The following RIN3 variants were observed in gnomAD, a reference collection of about 807,000 sequenced individuals.
The protein encoded by RIN3 is RAB5 interacting protein 3.
Under a neutral mutation model 76.3 loss-of-function variants are expected in RIN3, and 54 were observed. The observed-to-expected ratio is 0.71, with a 90% CI of 0.57 to 0.89. RIN3 has a LOEUF of 0.89. RIN3 is among the 40% of genes least tolerant of loss of function. RIN3 has a pLI of 0.00. For synonymous variants in RIN3, 576 were observed against 564.0 expected (o/e 1.02, Z -0.30); for missense variants, 1,256 against 1,322.1 (o/e 0.95, Z 0.78).
rs1479925792 is a variant in RIN3, at chr14:92,568,880, C to T, written c.250-8480C>T. On this transcript the variant is annotated intron_variant, in intron 2 of 9. Transcript: ENST00000216487. This position sits in a 1 kb window ranked among gnomAD's most constrained non-coding sequence, Gnocchi z 4.2. Reference sequence around the variant, plus strand: ...AACCTTGGGGACTTTCCAGCCCTGTCGACAAGCTGTGTAGATAACACAGCC... The same window carrying T: ...AACCTTGGGGACTTTCCAGCCCTGTTGACAAGCTGTGTAGATAACACAGCC... Among the ~76,000 whole-genome samples, 1 of 152,204 alleles carries T rather than the reference C, an allele frequency of 6.6e-6. No homozygotes were observed. The highest frequency in any genetic ancestry group is 1.5e-5 in the Non-Finnish European group (1 of 68,040).
chr14:92,680,488 C>T (rs1172591736), intron 8 of RIN3, among the ~76,000 whole-genome samples: 1 of 152,162 alleles, frequency 6.6e-6, no homozygotes, highest in Non-Finnish European at 1.5e-5. Context: ...GTGTGAGCCA[C>T]CATGTCCAGC....
intron 2 of RIN3, among the ~76,000 whole-genome samples, chr14:92,561,891 G>A (rs999285811): frequency 6.6e-6 from 1 of 152,084 alleles, no homozygotes; most frequent in Non-Finnish European, 1.5e-5. Context: ...TCCCTATGTT[G>A]CCCAGGCTGG....
intron 1 of RIN3, among the ~76,000 whole-genome samples, chr14:92,527,028 G>A (rs1012472194): frequency 6.7e-6 from 1 of 148,388 alleles, no homozygotes; most frequent in Non-Finnish European, 1.5e-5. Flanking sequence ...CTCTGTGTCT[G>A]TCTGTGTTTC....
rs148154180 is a variant in RIN3, at chr14:92,652,972, G to A, written c.1923G>A (p.Leu641=). 3.1e-6 allele frequency: 5 copies of A among 1,613,492 alleles called. No homozygotes were observed. The highest frequency in any genetic ancestry group is 2.7e-5 in the African/African-American group (2 of 74,916). The part of the protein sequence containing the change: ...MARQTSSTEM[L]QEIRTMMTQL... ...GCCAGACCTCCAGCACGGAGATGCT[G>A]CAGGAGATTCGCACCATGATGACCC... is the stretch of plus-strand genomic sequence containing the variant. Residue 641 remains leucine, a synonymous_variant, in exon 6 of 10, where the codon CTG becomes CTA. Coordinates refer to ENST00000216487, the MANE Select transcript of RIN3 (RefSeq NM_024832.5). This position sits in a 1 kb window ranked among gnomAD's most constrained non-coding sequence, Gnocchi z 6.4.
intron 3 of RIN3, among the ~76,000 whole-genome samples, chr14:92,611,942 G>A (rs1380576781): frequency 6.6e-6 from 1 of 152,188 alleles, no homozygotes; most frequent in Admixed American, 6.5e-5. Context: ...AGGAAAGGGG[G>A]AACAAGGTGT....
intron 4 of RIN3, among the ~76,000 whole-genome samples, chr14:92,640,014 CTG>C (rs144045986): frequency 0.011 from 1,557 of 135,846 alleles, no homozygotes; most frequent in African/African-American, 0.028. Flanking sequence ...AGATGCCTGA[CTG>C]TGTGTTCGTC....
intron 3 of RIN3, among the ~76,000 whole-genome samples, chr14:92,580,695 G>A (rs373059615): frequency 3.3e-5 from 5 of 152,264 alleles, no homozygotes; most frequent in African/African-American, 4.8e-5. Context: ...CACCTTCAGC[G>A]TGCAGCCTCC....
intron 1 of RIN3, among the ~76,000 whole-genome samples, chr14:92,516,699 G>C (rs189552570): frequency 5.9e-5 from 9 of 152,168 alleles, no homozygotes; most frequent in African/African-American, 2.2e-4. Flanking sequence ...GGTCCCCTTG[G>C]GTTGAAGGAG....
chr14:92,552,496 A>G (rs1383001952), intron 1 of RIN3, among the ~76,000 whole-genome samples: 2 of 152,056 alleles, frequency 1.3e-5, no homozygotes, highest in Admixed American at 6.5e-5. Context: ...TTTAGGGCCA[A>G]TGCTCCCTGT....
In RIN3 at chr14:92,655,911, G is replaced by A. The variant is rs77440243; in HGVS notation, c.2026+2836G>A. Among the ~76,000 whole-genome samples, 1,127 of 152,314 alleles carry A rather than the reference G, an allele frequency of 7.4e-3. 22 individuals are homozygous for A. The highest frequency in any genetic ancestry group is 0.026 in the African/African-American group (1,070 of 41,546). ...ACTGGAGATGCTTATTAGATACCAG[G>A]TGGGGAGGTCGAGCGGGCCATGGAG... On this transcript the variant is annotated intron_variant, in intron 6 of 9. Transcript: ENST00000216487.
At chr14:92,669,492 G>A (rs1888216154) in intron 7 of RIN3, among the ~76,000 whole-genome samples, 2 of 152,162 alleles carry the variant, frequency 1.3e-5, no homozygotes, top group Admixed American at 1.3e-4. Flanking sequence ...AAGACTTCTG[G>A]GAGGAAAAAA....
chr14:92,684,957 G>A (rs1184063979), intron 8 of RIN3, 30 bp from the exon 9 acceptor site: 4 of 1,592,672 alleles, frequency 2.5e-6, no homozygotes, highest in Non-Finnish European at 3.4e-6. Flanking sequence ...AGGCGGTCCT[G>A]GCTCAGATTC....
At chr14:92,647,922 G>C (rs1055776618) in intron 5 of RIN3, among the ~76,000 whole-genome samples, 9 of 152,232 alleles carry the variant, frequency 5.9e-5, no homozygotes, top group Admixed American at 3.9e-4. Flanking sequence ...GGCAAGGATG[G>C]GCCCTTCTTT....
chr14:92,520,924 C>T, intron 1 of RIN3, among the ~76,000 whole-genome samples: 1 of 149,576 alleles, frequency 6.7e-6, no homozygotes, highest in African/African-American at 2.6e-5. Context: ...AAGGACTTAT[C>T]TCTCTACCGA....
chr14:92,555,841 T>A lies in RIN3; in HGVS notation c.135T>A (p.Pro45=), dbSNP rs1897560977. The part of the protein sequence containing the change: ...CLPANPKNCL[P]HRRGISILEK... ...CAGCCAACCCGAAAAACTGCCTTCC[T>A]CACCGCCGGGGCATCAGCATCCTGG... is the stretch of plus-strand genomic sequence containing the variant. The change falls in exon 2 of 10, where the codon CCT becomes CCA. Residue 45 remains proline, a synonymous_variant. Transcript: ENST00000216487. 6.2e-7 allele frequency: 1 copy of A among 1,614,172 alleles called. No individual in the cohort carries two copies. The highest frequency in any genetic ancestry group is 1.7e-5 in the Admixed American group (1 of 60,026).
chr14:92,652,744 C>A lies in RIN3; in HGVS notation c.1695C>A (p.Pro565=). The stretch of plus-strand genomic sequence containing the variant: ...AGGAGCTGGAGCAGTTCAGCAGCCC[C>A]AGCGTGAAGAAGAAGCCCTCCATGA... The part of the protein sequence containing the change: ...TEEELEQFSS[P]SVKKKPSMIL... Residue 565 remains proline, a synonymous_variant, in exon 6 of 10, where the codon CCC becomes CCA. Transcript: ENST00000216487. This position sits in a 1 kb window ranked among gnomAD's most constrained non-coding sequence, Gnocchi z 6.4. 6.2e-7 allele frequency: 1 copy of A among 1,613,870 alleles called. No individual in the cohort carries two copies.
At chr14:92,521,856 G>A (rs1896605687) in intron 1 of RIN3, among the ~76,000 whole-genome samples, 1 of 152,248 alleles carries the variant, frequency 6.6e-6, no homozygotes, top group Non-Finnish European at 1.5e-5. Flanking sequence ...ACAGTTGGCT[G>A]TGCAGAGTGA....
intron 4 of RIN3, among the ~76,000 whole-genome samples, chr14:92,632,032 G>A (rs906421502): frequency 1.3e-5 from 2 of 152,172 alleles, no homozygotes; most frequent in African/African-American, 4.8e-5. Context: ...GAAAGCAGGA[G>A]GGAGTAGGGA....
Position 92,651,717 on chromosome 14 carries a change from T to C in RIN3, c.668T>C (p.Ile223Thr). 1 of 1,614,044 alleles carries C rather than the reference T, an allele frequency of 6.2e-7. No homozygotes were observed. The highest frequency in any genetic ancestry group is 8.5e-7 in the Non-Finnish European group (1 of 1,179,992). ...TAHDANCACE[I>T]ELSVGNDRLW... ...CATGACGCAAACTGTGCCTGTGAAA[T>C]CGAGCTGTCGGTAGGAAATGACCGC... Residue 223 changes from isoleucine (I) to threonine (T), a missense_variant, in exon 6 of 10, where the codon ATC (isoleucine) becomes ACC (threonine). Ile to Thr is a moderately conservative substitution (Grantham distance 89). Coordinates refer to ENST00000216487, the MANE Select transcript of RIN3 (RefSeq NM_024832.5).
Sources: gnomAD v4.1 joint callset for allele counts (sites outside exome capture counted in the v4.1 genomes callset) on GRCh38, gnomAD v4.1.1 for gene constraint, Gnocchi (gnomAD v3.1) non-coding constraint, MANE v1.5 for transcripts, NCBI Gene and HGNC (gene_info 2026-07-23, HGNC 2026-07-21) for gene names.